The following PHLDB2 variants were observed in gnomAD, a reference collection of about 807,000 sequenced individuals.
PHLDB2 encodes pleckstrin homology like domain family B member 2, also known as pleckstrin homology-like domain family B member 2.
PHLDB2 carries 71 observed loss-of-function variants against 123.6 expected under a neutral mutation model. The ratio of observed to expected loss-of-function variants is 0.57; its 90% CI spans 0.47 to 0.70. The LOEUF is 0.70. Among genes scored for constraint, PHLDB2 ranks in the 30% least tolerant of loss-of-function variants. The pLI is 0.00. For synonymous variants in PHLDB2, 547 were observed against 541.6 expected (o/e 1.01, Z -0.14); for missense variants, 1,446 against 1,519.5 (o/e 0.95, Z 0.80).
At chr3:111,911,029 G>A (rs558846525) in intron 2 of PHLDB2, among the ~76,000 whole-genome samples, 11 of 152,252 alleles carry the variant, frequency 7.2e-5, no homozygotes, top group South Asian at 2.1e-4. Flanking sequence ...TGAATACTGC[G>A]TTTCACTGTC....
At chr3:111,852,578 G>A (rs2064305212) in intron 2 of PHLDB2, among the ~76,000 whole-genome samples, 1 of 152,042 alleles carries the variant, frequency 6.6e-6, no homozygotes, top group Non-Finnish European at 1.5e-5. Context: ...GTTCTCTTCA[G>A]TATCGAGGAA....
At chr3:111,766,217 GA>G (rs2060077479) in intron 1 of PHLDB2, among the ~76,000 whole-genome samples, 1 of 151,854 alleles carries the variant, frequency 6.6e-6, no homozygotes, top group Non-Finnish European at 1.5e-5. Context: ...AAGGCAGGTG[GA>G]TCACTTGAGG....
Position 111,949,087 on chromosome 3 carries a change from T to A in PHLDB2, c.2631+12T>A. On this transcript the variant is annotated intron_variant, in intron 10 of 17. Coordinates refer to ENST00000431670, the MANE Select transcript of PHLDB2 (RefSeq NM_001134438.2). ...CACAGAGTAAAGAGGTGTGTAGGCA[T>A]GACGTTTCATTCATTCACTGCTTTT... 6.2e-7 allele frequency: 1 copy of A among 1,612,750 alleles called. No individual in the cohort carries two copies. Among genetic ancestry groups the A allele is most frequent in the Non-Finnish European group, 8.5e-7 (1 of 1,179,610 alleles).
chr3:111,787,149 C>G (rs573419713), intron 1 of PHLDB2, among the ~76,000 whole-genome samples: 2 of 152,150 alleles, frequency 1.3e-5, no homozygotes, highest in African/African-American at 2.4e-5. Context: ...TGTTGGATGT[C>G]TTTAACTGCC....
chr3:111,895,735 G>A (rs1559890996), intron 2 of PHLDB2, among the ~76,000 whole-genome samples: 1 of 152,150 alleles, frequency 6.6e-6, no homozygotes, highest in Non-Finnish European at 1.5e-5. Context: ...TGTAATCCCA[G>A]CTACTTCGGA....
At chr3:111,936,114 TC>T (rs1191236943) in intron 6 of PHLDB2, among the ~76,000 whole-genome samples, 14 of 152,184 alleles carry the variant, frequency 9.2e-5, no homozygotes, top group African/African-American at 3.4e-4. Flanking sequence ...ATTCTCTTCT[TC>T]CTGTCCCTCC....
In PHLDB2 at chr3:111,822,229, A is replaced by G. The variant is rs191195089; in HGVS notation, c.-48-23592A>G. ...AGTTTCTCACATGTTGCTCTCCTCT[A>G]TTTCCTTCATACTTTGCATCAGAAA... On this transcript the variant is annotated intron_variant, in intron 1 of 17. Coordinates refer to the PHLDB2 transcript ENST00000393923. Among the ~76,000 whole-genome samples the G allele has an allele frequency of 2.3e-3, 343 of 147,582 alleles. 2 individuals carry two copies. The highest frequency in any genetic ancestry group is 8.3e-3 in the African/African-American group (326 of 39,334).
intron 1 of PHLDB2, among the ~76,000 whole-genome samples, chr3:111,863,709 A>G (rs75683756): frequency 0.02 from 3,015 of 152,254 alleles, 91 homozygotes; most frequent in African/African-American, 0.062. Flanking sequence ...CTACCATTCC[A>G]TGTGTTTACC....
intron 1 of PHLDB2, among the ~76,000 whole-genome samples, chr3:111,789,800 G>A (rs758048001): frequency 2.0e-5 from 3 of 152,106 alleles, no homozygotes; most frequent in Non-Finnish European, 4.4e-5. Flanking sequence ...TATCATCACC[G>A]GGGCTATGTG....
intron 1 of PHLDB2, among the ~76,000 whole-genome samples, chr3:111,786,072 A>G (rs1172400144): frequency 1.3e-5 from 2 of 152,170 alleles, no homozygotes; most frequent in Admixed American, 6.5e-5. Flanking sequence ...CTCAGTATCT[A>G]TGGAGGATTG....
rs775447203 is a variant in PHLDB2, at chr3:111,780,273, AG to A, written c.-49+47571del. Among the ~76,000 whole-genome samples the A allele has an allele frequency of 3.3e-3, 9 of 2,700 alleles. 2 individuals are homozygous for A. Among genetic ancestry groups the A allele is most frequent in the Admixed American group, 5.3e-3 (1 of 188 alleles). 1.8% of individuals were successfully genotyped at this position (2,700 alleles called of 152,430 possible). Reference sequence around the variant, plus strand: ...CCTGATTTAAAAGAAGAAGAAGAAAAGAAGAAGAAGAAGAAGAAGAAGAGGA... The same window carrying A: ...CCTGATTTAAAAGAAGAAGAAGAAAAAAGAAGAAGAAGAAGAAGAAGAGGA... On this transcript the variant is annotated intron_variant, in intron 1 of 17. Transcript: ENST00000393923.
At chr3:111,851,194 TAAAAAAAAA>T (rs11309576) in intron 2 of PHLDB2, among the ~76,000 whole-genome samples, 2 of 103,658 alleles carry the variant, frequency 1.9e-5, no homozygotes, top group Non-Finnish European at 3.8e-5. Context: ...GATTCTGTCT[TAAAAAAAAA>T]AAAAAAAAAA....
At chr3:111,925,107 G>A (rs1231999517) in intron 5 of PHLDB2, among the ~76,000 whole-genome samples, 1 of 152,146 alleles carries the variant, frequency 6.6e-6, no homozygotes, top group Non-Finnish European at 1.5e-5. Flanking sequence ...GGGATTACAG[G>A]TGTGAGCCAC....
At chr3:111,864,860 T>C (rs1377797797) in intron 1 of PHLDB2, among the ~76,000 whole-genome samples, 3 of 152,254 alleles carry the variant, frequency 2.0e-5, no homozygotes, top group Non-Finnish European at 4.4e-5. Context: ...CAGCTTTTTC[T>C]GAGACTTGCT....
chr3:111,748,010 C>T (rs910606120), intron 1 of PHLDB2, among the ~76,000 whole-genome samples: 4 of 152,162 alleles, frequency 2.6e-5, no homozygotes, highest in African/African-American at 9.7e-5. Flanking sequence ...TGATATGTTG[C>T]TCAGGGTTCT....
At chr3:111,913,834 T>C (rs142240561) in intron 3 of PHLDB2, 132 bp downstream of exon 3, 1 of 1,260,026 alleles carries the variant, frequency 7.9e-7, no homozygotes, top group East Asian at 2.3e-5. Flanking sequence ...TAAGAGGTCA[T>C]TAGCTGAGCG....
chr3:111,871,030 T>C (rs2108704795), intron 1 of PHLDB2, among the ~76,000 whole-genome samples: 1 of 152,306 alleles, frequency 6.6e-6, no homozygotes, highest in East Asian at 1.9e-4. Context: ...GAAATGAATT[T>C]TCCTGAATTT....
chr3:111,860,705 G>T (rs2064791824), intron 1 of PHLDB2, among the ~76,000 whole-genome samples: 1 of 152,068 alleles, frequency 6.6e-6, no homozygotes. Flanking sequence ...TTTTTCTCTC[G>T]GTAAACTACC....
At chr3:111,911,723 A>T (rs1196122175) in intron 2 of PHLDB2, 1 of 1,535,948 alleles carries the variant, frequency 6.5e-7, no homozygotes, top group Non-Finnish European at 8.7e-7. Context: ...AGTGAAAGGG[A>T]GGTGCGAGCT....
Sources: allele counts gnomAD v4.1 joint callset (sites outside exome capture counted in the v4.1 genomes callset), GRCh38; gene constraint gnomAD v4.1.1; transcripts MANE v1.5; gene names NCBI Gene and HGNC (gene_info 2026-07-23, HGNC 2026-07-21).